The following PIK3C3 variants were observed in gnomAD, a reference collection of about 807,000 sequenced individuals.
The protein encoded by PIK3C3 is phosphatidylinositol 3-kinase catalytic subunit type 3.
In PIK3C3, 95 loss-of-function variants were observed where a neutral mutation model predicts 126.1. That is an observed-to-expected ratio of 0.75 (90% confidence interval 0.64 to 0.89). The LOEUF (loss-of-function observed/expected upper bound fraction) is 0.89, where lower values mean the gene tolerates loss of function less well. PIK3C3 is among the 40% of genes least tolerant of loss of function. The pLI, the probability that PIK3C3 is intolerant of heterozygous loss-of-function variation, is 0.00. For missense variants in PIK3C3, 829 were observed against 1,063.2 expected, an observed-to-expected ratio of 0.78 and a Z score of 3.06; for synonymous variants, 374 against 360.0, an observed-to-expected ratio of 1.04 and a Z score of -0.44.
chr18:42,018,325 T>G (rs1178588733), intron 12 of PIK3C3, among the ~76,000 whole-genome samples: 1 of 152,118 alleles, frequency 6.6e-6, no homozygotes, highest in Non-Finnish European at 1.5e-5. Flanking sequence ...TTTCTTTATG[T>G]TCTGTAAGTA....
intron 24 of PIK3C3, among the ~76,000 whole-genome samples, chr18:42,068,759 A>G (rs952713942): frequency 1.3e-5 from 2 of 151,900 alleles, no homozygotes; most frequent in African/African-American, 2.4e-5. Context: ...GACCATCCTG[A>G]CTAACACAGT....
intron 18 of PIK3C3, among the ~76,000 whole-genome samples, chr18:42,040,112 GA>G (rs1479880282): frequency 6.9e-6 from 1 of 145,116 alleles, no homozygotes; most frequent in East Asian, 2.0e-4. Context: ...AGACTTATCA[GA>G]CTGACTTTTT....
Position 42,080,109 on chromosome 18 carries a change from G to A in PIK3C3, c.2650-1014G>A, listed in dbSNP as rs76880815. 3.7e-3 allele frequency among the ~76,000 whole-genome samples: 567 copies of A among 151,884 alleles called. 6 individuals are homozygous for A. Among genetic ancestry groups the A allele is most frequent in the African/African-American group, 0.013 (529 of 41,424 alleles). On this transcript the variant is annotated intron_variant, in intron 24 of 24. Transcript: ENST00000262039. Reference sequence around the variant, plus strand: ...CCCACAGAATCTGAGACACTTCCTGGCACATAGTAGGCACCAAATAAACAT... The same window carrying A: ...CCCACAGAATCTGAGACACTTCCTGACACATAGTAGGCACCAAATAAACAT...
At chr18:41,968,397 A>G (rs1295417187) in intron 3 of PIK3C3, among the ~76,000 whole-genome samples, 1 of 152,240 alleles carries the variant, frequency 6.6e-6, no homozygotes, top group African/African-American at 2.4e-5. Flanking sequence ...AATTAACTTT[A>G]TAAGAGACAT....
chr18:42,071,591 G>A (rs1012488172), intron 24 of PIK3C3, among the ~76,000 whole-genome samples: 27 of 151,958 alleles, frequency 1.8e-4, no homozygotes, highest in Admixed American at 1.4e-3. Flanking sequence ...GTGGTGGCGG[G>A]CACCTGTAAT....
chr18:41,978,327 A>G (rs985434375), intron 4 of PIK3C3, among the ~76,000 whole-genome samples: 15 of 152,232 alleles, frequency 9.9e-5, no homozygotes, highest in African/African-American at 3.6e-4. Context: ...GGAAAAAACT[A>G]AAGATGTCAC....
chr18:42,019,102 T>A (rs921016385), intron 12 of PIK3C3, among the ~76,000 whole-genome samples: 2 of 152,152 alleles, frequency 1.3e-5, no homozygotes, highest in Admixed American at 1.3e-4. Context: ...AAGAATGGTC[T>A]GTTTCCCATC....
At chr18:41,987,163 T>G (rs1452923551) in intron 4 of PIK3C3, among the ~76,000 whole-genome samples, 1 of 152,056 alleles carries the variant, frequency 6.6e-6, no homozygotes, top group Admixed American at 6.6e-5. Flanking sequence ...CAAAACCTGG[T>G]TCTAATTTGA....
rs771607348 is a variant in PIK3C3, at chr18:42,033,854, A to C, written c.1736A>C (p.Asp579Ala). 1 of 1,605,078 alleles carries C rather than the reference A, an allele frequency of 6.2e-7. No individual in the cohort carries two copies. Among genetic ancestry groups the C allele is most frequent in the South Asian group, 1.1e-5 (1 of 89,774 alleles). The change falls in exon 16 of 25, where the codon GAT becomes GCT. Residue 579 changes from aspartate to alanine, a missense_variant. By Grantham distance (126) the Asp-to-Ala change is moderately radical (BLOSUM62 -2). Around this residue, in one of 4 missense-constraint regions of PIK3C3, gnomAD observed 256 missense variants for 291.0 expected, o/e 0.88. Coordinates refer to ENST00000262039, the MANE Select transcript of PIK3C3 (RefSeq NM_002647.4). ...GAGAGACTACAGGCATTGCTTGGAG[A>C]TAATGAAAAGATGAATTTGTCAGAT... is the stretch of plus-strand genomic sequence containing the variant. ...KNERLQALLG[D>A]NEKMNLSDVE...
intron 10 of PIK3C3, among the ~76,000 whole-genome samples, chr18:42,011,400 TG>T (rs1982820574): frequency 6.6e-6 from 1 of 152,378 alleles, no homozygotes; most frequent in Admixed American, 6.5e-5. Flanking sequence ...TTTTATGTTA[TG>T]GAAATGACTT....
intron 21 of PIK3C3, among the ~76,000 whole-genome samples, chr18:42,056,973 A>G (rs193193930): frequency 6.6e-6 from 1 of 151,780 alleles, no homozygotes; most frequent in Admixed American, 6.6e-5. Flanking sequence ...CATTGTACTT[A>G]GAGACCATTA....
intron 3 of PIK3C3, among the ~76,000 whole-genome samples, chr18:41,968,938 C>T (rs1980510928): frequency 6.6e-6 from 1 of 151,826 alleles, no homozygotes. Flanking sequence ...CTGCCTCAGC[C>T]CCCTAAAAAC....
chr18:42,066,669 A>G (rs1568008785), intron 23 of PIK3C3, among the ~76,000 whole-genome samples: 1 of 152,224 alleles, frequency 6.6e-6, no homozygotes, highest in Non-Finnish European at 1.5e-5. Flanking sequence ...ATTTTGCACA[A>G]AGTAGTTCTT....
intron 21 of PIK3C3, among the ~76,000 whole-genome samples, chr18:42,053,486 G>T (rs1254199076): frequency 2.0e-5 from 3 of 152,244 alleles, no homozygotes; most frequent in Admixed American, 6.5e-5. Flanking sequence ...TGGGGTGAAT[G>T]ATATTTTACT....
chr18:42,051,046 C>CT (rs1303200156), intron 21 of PIK3C3: 1 of 152,202 alleles, frequency 6.6e-6, no homozygotes, highest in Non-Finnish European at 1.5e-5. Flanking sequence ...CTGAAGTTAC[C>CT]TTTTTTGTTT....
rs1310383120 is a variant in PIK3C3, at chr18:42,067,530, C to G, written c.2649+17C>G. On this transcript the variant is annotated intron_variant, in intron 24 of 24. Coordinates refer to ENST00000262039, the MANE Select transcript of PIK3C3 (RefSeq NM_002647.4). ...TTTGCCCAGGTAAGTTCCCTGAGTG[C>G]AGTGCATTTTTCTCACCTTCTCCGT... is the stretch of plus-strand genomic sequence containing the variant. The G allele has an allele frequency of 1.2e-6, 2 of 1,613,686 alleles. No individual in the cohort carries two copies. The highest frequency in any genetic ancestry group is 4.5e-5 in the East Asian group (2 of 44,872).
At chr18:42,076,147 CATATATATATATATGCACATAT>C (rs1568013755) in intron 24 of PIK3C3, among the ~76,000 whole-genome samples, 2 of 34,220 alleles carry the variant, frequency 5.8e-5, no homozygotes, top group Non-Finnish European at 9.9e-5. Context: ...TATATATGCG[CATATATATATATATGCACATAT>C]ATATATATGC....
intron 22 of PIK3C3, among the ~76,000 whole-genome samples, chr18:42,060,289 A>G (rs1342018305): frequency 6.6e-6 from 1 of 152,178 alleles, no homozygotes; most frequent in Non-Finnish European, 1.5e-5. Context: ...ATTGTACCAC[A>G]TAAGCAGAGT....
intron 24 of PIK3C3, among the ~76,000 whole-genome samples, chr18:42,076,089 CAT>C (rs71174077): frequency 0.16 from 8,614 of 54,114 alleles, 691 homozygotes; most frequent in East Asian, 0.29. Context: ...CTTTACCTTG[CAT>C]ATATATATAT....
Sources: gnomAD v4.1 joint callset for allele counts (sites outside exome capture counted in the v4.1 genomes callset) on GRCh38, gnomAD v4.1.1 for gene constraint, gnomAD v4.1.1 regional missense constraint, MANE v1.5 for transcripts, NCBI Gene and HGNC (gene_info 2026-07-23, HGNC 2026-07-21) for gene names.